RCL1: variants seen among roughly 807,000 people sequenced by gnomAD.
The protein encoded by RCL1 is RNA 3'-terminal phosphate cyclase-like protein.
A neutral mutation model predicts 42.4 loss-of-function variants in RCL1; 24 were observed. That is an observed-to-expected ratio of 0.57 (90% confidence interval 0.41 to 0.80). RCL1 has a LOEUF of 0.80. Ranked by LOEUF, RCL1 falls within the 30% of genes least tolerant of loss-of-function variation. The probability of loss-of-function intolerance (pLI) is 0.00; values close to 1 mark genes in which losing one functional copy is unlikely to be tolerated. For synonymous variants in RCL1, 228 were observed against 177.3 expected (o/e 1.29, Z -2.27); for missense variants, 578 against 467.9 (o/e 1.24, Z -2.17).
intron 8 of RCL1, among the ~76,000 whole-genome samples, chr9:4,850,581 A>G (rs544707103): frequency 6.8e-6 from 1 of 147,428 alleles, no homozygotes; most frequent in Non-Finnish European, 1.5e-5. Context: ...CAGAGAGGGA[A>G]GACTGATAAG....
intron 3 of RCL1, among the ~76,000 whole-genome samples, chr9:4,831,791 G>A (rs1816951767): frequency 6.6e-6 from 1 of 152,210 alleles, no homozygotes; most frequent in South Asian, 2.1e-4. Flanking sequence ...TCATTCCTAA[G>A]TCTGGTATTT....
chr9:4,841,253 T>G lies in RCL1; in HGVS notation c.606T>G (p.Pro202=). ...GCAGGTACTCTGTACGTGTGTCACCTCAGATGGCGAACCGGATTGTGGATT... is the reference window on the plus strand; with the variant it reads ...GCAGGTACTCTGTACGTGTGTCACCGCAGATGGCGAACCGGATTGTGGATT... ...RGMAYSVRVS[P]QMANRIVDSA... is the part of the protein sequence containing the mutation. The change falls in exon 6 of 9, where the codon CCT becomes CCG. Residue 202 remains proline (P), a synonymous_variant. Transcript: ENST00000381750. The G allele has an allele frequency of 6.2e-6, 10 of 1,613,872 alleles. No individual in the cohort carries two copies. Among genetic ancestry groups the G allele is most frequent in the Non-Finnish European group, 8.5e-6 (10 of 1,179,796 alleles).
Position 4,844,616 on chromosome 9 carries a change from G to A in RCL1, c.802G>A (p.Ala268Thr), listed in dbSNP as rs374942947. 3.1e-6 allele frequency: 5 copies of A among 1,613,960 alleles called. No homozygotes were observed. The highest frequency in any genetic ancestry group is 4.2e-6 in the Non-Finnish European group (5 of 1,180,004). Reference sequence around the variant, plus strand: ...GGCCTCCAACCCCCAGGGCCAGGGAGCAGCAGTACTTCCAGAGGACCTTGG... The same window carrying A: ...GGCCTCCAACCCCCAGGGCCAGGGAACAGCAGTACTTCCAGAGGACCTTGG... ...ELASNPQGQG[A>T]AVLPEDLGRN... Residue 268 changes from alanine (A) to threonine (T), a missense_variant, in exon 7 of 9, where the codon GCA becomes ACA. Physicochemically the swap from Ala to Thr is moderately conservative, Grantham distance 58. Transcript: ENST00000381750.
At chr9:4,803,388 A>T (rs1843038817) in intron 1 of RCL1, among the ~76,000 whole-genome samples, 1 of 152,204 alleles carries the variant, frequency 6.6e-6, no homozygotes, top group Non-Finnish European at 1.5e-5. Flanking sequence ...GGCAAAGAGA[A>T]TACAAGGTGA....
intron 1 of RCL1, among the ~76,000 whole-genome samples, chr9:4,817,044 C>G (rs2130990141): frequency 6.6e-6 from 1 of 152,314 alleles, no homozygotes; most frequent in East Asian, 1.9e-4. Flanking sequence ...GTCTCAATCT[C>G]CTGACCTTGT....
chr9:4,826,288 G>A (rs1260314992), intron 2 of RCL1, among the ~76,000 whole-genome samples: 1 of 151,978 alleles, frequency 6.6e-6, no homozygotes, highest in Non-Finnish European at 1.5e-5. Flanking sequence ...TATGTGAGAA[G>A]TGAATAAAGA....
intron 7 of RCL1, among the ~76,000 whole-genome samples, chr9:4,846,118 A>G (rs1200248722): frequency 1.3e-5 from 2 of 152,236 alleles, no homozygotes; most frequent in South Asian, 2.1e-4. Flanking sequence ...AAAACAGCTT[A>G]TATTTATAGT....
intron 1 of RCL1, among the ~76,000 whole-genome samples, chr9:4,811,356 A>T (rs958904326): frequency 6.6e-6 from 1 of 151,998 alleles, no homozygotes; most frequent in Admixed American, 6.6e-5. Flanking sequence ...GCTATAGAAC[A>T]TTAGAACTTA....
At chr9:4,798,061 T>G (rs1842941864) in intron 1 of RCL1, among the ~76,000 whole-genome samples, 1 of 152,192 alleles carries the variant, frequency 6.6e-6, no homozygotes, top group Admixed American at 6.5e-5. Flanking sequence ...AACCCGTAGT[T>G]AGGTAAGATA....
chr9:4,860,456 C>G lies in RCL1; in HGVS notation c.*181C>G, dbSNP rs569388803. On this transcript the variant is annotated 3_prime_UTR_variant, in exon 9 of 9. Coordinates refer to ENST00000381750, the MANE Select transcript of RCL1 (RefSeq NM_005772.5). Reference sequence around the variant, plus strand: ...TGTAGCATATGGTTTCCAGCTGTTTCTCCAGTGGCATTGCCATTGCCCAGG... The same window carrying G: ...TGTAGCATATGGTTTCCAGCTGTTTGTCCAGTGGCATTGCCATTGCCCAGG... 7.5e-5 allele frequency: 51 copies of G among 679,048 alleles called. No homozygotes were observed. The highest frequency in any genetic ancestry group is 5.9e-4 in the Admixed American group (15 of 25,406). The allele number at this position is 679,048 out of a possible 1,614,324, so 42.1% of individuals were successfully genotyped here.
rs1816777315 is a variant in RCL1 at position 4,826,783 on chromosome 9, C to G, written c.209-75C>G. ...CCCTTGTCAGGCTTTCCCCTTGGAA[C>G]TCACTGCCTTCATTACCTTTGTGAC... On this transcript the variant is annotated intron_variant, in intron 2 of 8. Coordinates refer to ENST00000381750, the MANE Select transcript of RCL1 (RefSeq NM_005772.5). 3.8e-6 allele frequency: 5 copies of G among 1,311,992 alleles called. No individual in the cohort carries two copies. The African/African-American group carries it at 5.9e-5, about 15-fold the overall frequency. 81.3% of individuals were successfully genotyped at this position (1,311,992 alleles called of 1,614,324 possible).
chr9:4,849,551 G>C lies in RCL1; in HGVS notation c.971+1G>C, dbSNP rs1817647604. 1 of 1,604,918 alleles carries C rather than the reference G, an allele frequency of 6.2e-7. No homozygotes were observed. The highest frequency in any genetic ancestry group is 1.3e-5 in the African/African-American group (1 of 74,844). ...TGCTAGGCCCTCTCTCTCCCTACAC[G>C]TAAGTTATTCTTTTTCAACCTCGTT... is the stretch of plus-strand genomic sequence containing the variant. On this transcript the variant is annotated splice_donor_variant, in intron 8 of 8. Transcript: ENST00000381750. LOFTEE classifies it high-confidence loss of function.
At chr9:4,838,593 C>T (rs905566183) in intron 5 of RCL1, among the ~76,000 whole-genome samples, 2 of 152,174 alleles carry the variant, frequency 1.3e-5, no homozygotes, top group African/African-American at 4.8e-5. Context: ...AACATACACA[C>T]ACACACCCCT....
chr9:4,852,289 T>G (rs1214294865), intron 8 of RCL1, among the ~76,000 whole-genome samples: 1 of 152,106 alleles, frequency 6.6e-6, no homozygotes, highest in African/African-American at 2.4e-5. Context: ...ATTTGTTGAG[T>G]TTTAGGTGGC....
At chr9:4,793,362 T>G in intron 1 of RCL1, 135 bp downstream of exon 1, 1 of 947,980 alleles carries the variant, frequency 1.1e-6, no homozygotes, top group African/African-American at 1.8e-5. Context: ...AGGTGGCGCG[T>G]CGCCTCCAAA....
chr9:4,838,576 C>G (rs1587722336), intron 5 of RCL1, among the ~76,000 whole-genome samples: 1 of 69,238 alleles, frequency 1.4e-5, no homozygotes, highest in African/African-American at 7.1e-5. Flanking sequence ...CTCTCTCCAC[C>G]TACTGTAACA....
chr9:4,829,670 C>T (rs1370199129), intron 3 of RCL1, among the ~76,000 whole-genome samples: 2 of 152,080 alleles, frequency 1.3e-5, no homozygotes, highest in Non-Finnish European at 2.9e-5. Context: ...TCATCTTTCA[C>T]GTGTTTTTCC....
At chr9:4,817,912 A>ATTT (rs66886360) in intron 1 of RCL1, among the ~76,000 whole-genome samples, 1,233 of 78,194 alleles carry the variant, frequency 0.016, 64 homozygotes, top group African/African-American at 0.027. Context: ...CTTTTCTAAG[A>ATTT]TTTTTTTTTT....
chr9:4,801,844 A>T (rs1843006308), intron 1 of RCL1, among the ~76,000 whole-genome samples: 2 of 147,484 alleles, frequency 1.4e-5, no homozygotes, highest in South Asian at 2.1e-4. Flanking sequence ...TTTTGTGTGG[A>T]TCTCTTTCTG....
Sources: gnomAD v4.1 joint callset for allele counts (sites outside exome capture counted in the v4.1 genomes callset) on GRCh38, gnomAD v4.1.1 for gene constraint, MANE v1.5 for transcripts, NCBI Gene and HGNC (gene_info 2026-07-23, HGNC 2026-07-21) for gene names.